CSMD1: variants seen among roughly 807,000 people sequenced by gnomAD.
The protein encoded by CSMD1 is CUB and Sushi multiple domains 1.
A neutral mutation model predicts 417.5 loss-of-function variants in CSMD1; 213 were observed. The ratio of observed to expected loss-of-function variants is 0.51; its 90% CI spans 0.46 to 0.57. The LOEUF (loss-of-function observed/expected upper bound fraction) is 0.57. CSMD1 is among the 20% of genes least tolerant of loss of function. CSMD1 has a pLI of 0.00. For missense variants in CSMD1, 6,923 were observed against 4,529.7 expected, an observed-to-expected ratio of 1.53 and a Z score of -15.17; for synonymous variants, 2,862 against 1,736.8, an observed-to-expected ratio of 1.65 and a Z score of -16.11.
At chr8:3,206,464 G>C (rs1797278202) in intron 30 of CSMD1, among the ~76,000 whole-genome samples, 1 of 74,204 alleles carries the variant, frequency 1.3e-5, no homozygotes, top group African/African-American at 5.2e-5. Context: ...TGTGTGTGGG[G>C]GGGTTATGTC....
At chr8:3,060,237 C>T (rs1355566030) in intron 49 of CSMD1, among the ~76,000 whole-genome samples, 1 of 151,586 alleles carries the variant, frequency 6.6e-6, no homozygotes, top group East Asian at 1.9e-4. Flanking sequence ...CCTCCACCTC[C>T]CGAGTTCAAG....
intron 1 of CSMD1, among the ~76,000 whole-genome samples, chr8:4,957,202 A>G: frequency 6.6e-6 from 1 of 152,218 alleles, no homozygotes. Flanking sequence ...ACCTAAAGCT[A>G]TAGCAAACTG....
At chr8:4,095,012 C>A (rs924609377) in intron 3 of CSMD1, among the ~76,000 whole-genome samples, 1 of 152,072 alleles carries the variant, frequency 6.6e-6, no homozygotes. Context: ...AATGGAGAGA[C>A]CATGGCAACA....
intron 46 of CSMD1, among the ~76,000 whole-genome samples, chr8:3,098,669 T>C (rs1006141403): frequency 1.3e-5 from 2 of 152,154 alleles, no homozygotes; most frequent in African/African-American, 2.4e-5. Flanking sequence ...AAATACACGA[T>C]GCCCATTCAA....
At chr8:3,930,324 T>C (rs1321191420) in intron 5 of CSMD1, among the ~76,000 whole-genome samples, 1 of 150,666 alleles carries the variant, frequency 6.6e-6, no homozygotes, top group East Asian at 1.9e-4. Context: ...GCTAACACTC[T>C]TAAATATCTG....
chr8:4,332,944 T>TAAAAAA (rs35103998), intron 3 of CSMD1, among the ~76,000 whole-genome samples: 31 of 143,674 alleles, frequency 2.2e-4, no homozygotes, highest in Non-Finnish European at 3.2e-4. Context: ...TATAAAAATC[T>TAAAAAA]AAAAAAAAAA....
intron 1 of CSMD1, among the ~76,000 whole-genome samples, chr8:4,736,361 T>C (rs183810689): frequency 5.3e-5 from 8 of 152,212 alleles, no homozygotes; most frequent in African/African-American, 1.4e-4. Flanking sequence ...ATCACAATGG[T>C]TGGAGGTGCC....
At chr8:3,075,811 G>A (rs990863110) in intron 49 of CSMD1, among the ~76,000 whole-genome samples, 2 of 151,582 alleles carry the variant, frequency 1.3e-5, no homozygotes, top group Non-Finnish European at 2.9e-5. Flanking sequence ...GGAGGCCAAG[G>A]CGGGTGGATC....
rs79537191 is a variant in CSMD1, at chr8:3,993,077, T to A, written c.818+4826A>T. 0.011 allele frequency among the ~76,000 whole-genome samples: 1,746 copies of A among 152,280 alleles called. 57 individuals carry two copies. The East Asian group carries it at 0.13, about 11-fold the overall frequency. ...ACATCAGTAGAAAAGGCAGAGGAAA[T>A]CAAACAGAGTCTGAAAATGAGTTAG... On this transcript the variant is annotated intron_variant, in intron 5 of 69. Coordinates refer to ENST00000635120, the MANE Select transcript of CSMD1 (RefSeq NM_033225.6).
intron 2 of CSMD1, among the ~76,000 whole-genome samples, chr8:4,590,698 C>T (rs996159300): frequency 6.6e-6 from 1 of 152,112 alleles, no homozygotes; most frequent in Admixed American, 6.6e-5. Context: ...ATGAGAAGCA[C>T]TGAATAGATA....
chr8:4,793,465 C>T (rs1203957270), intron 1 of CSMD1, among the ~76,000 whole-genome samples: 3 of 152,054 alleles, frequency 2.0e-5, no homozygotes, highest in African/African-American at 4.8e-5. Context: ...TCCATCCCCT[C>T]TCTCCTCCCC....
At chr8:4,227,448 G>T (rs1700055) in intron 3 of CSMD1, among the ~76,000 whole-genome samples, 80,277 of 151,896 alleles carry the variant, frequency 0.53, 22,261 homozygotes, top group Non-Finnish European at 0.62. Context: ...CCTAGTGTAT[G>T]ACATTCAGAA....
In CSMD1 at chr8:4,413,152, G is replaced by C. The variant is rs534459416; in HGVS notation, c.415+6801C>G. Among the ~76,000 whole-genome samples, 58 of 152,244 alleles carry C rather than the reference G, an allele frequency of 3.8e-4. No individual in the cohort carries two copies. In the South Asian group the frequency reaches 9.5e-3, roughly 25 times the overall value. ...ATAGAATATGGACAGTCTCACAGTGGACCAGAATAATCAGAGTTAACACCT... is the reference window on the plus strand; with the variant it reads ...ATAGAATATGGACAGTCTCACAGTGCACCAGAATAATCAGAGTTAACACCT... On this transcript the variant is annotated intron_variant, in intron 3 of 69. Transcript: ENST00000635120.
intron 3 of CSMD1, among the ~76,000 whole-genome samples, chr8:4,354,150 T>G (rs979287408): frequency 1.3e-5 from 2 of 152,288 alleles, no homozygotes; most frequent in East Asian, 3.9e-4. Flanking sequence ...AAAATTTAAA[T>G]GTAAAAATTA....
intron 3 of CSMD1, among the ~76,000 whole-genome samples, chr8:4,412,851 G>C (rs922552617): frequency 6.6e-6 from 1 of 152,124 alleles, no homozygotes; most frequent in Non-Finnish European, 1.5e-5. Flanking sequence ...ATGGAAGAAT[G>C]CCTGCTCAAA....
chr8:4,906,867 T>G (rs906917938), intron 1 of CSMD1, among the ~76,000 whole-genome samples: 1 of 152,208 alleles, frequency 6.6e-6, no homozygotes, highest in Non-Finnish European at 1.5e-5. Context: ...CTTGAGTTTC[T>G]TTTTTCAAAG....
At chr8:4,540,421 G>A (rs1797321670) in intron 2 of CSMD1, among the ~76,000 whole-genome samples, 1 of 152,110 alleles carries the variant, frequency 6.6e-6, no homozygotes, top group African/African-American at 2.4e-5. Context: ...CAAAACCTCA[G>A]GCCGGGTGCA....
intron 3 of CSMD1, among the ~76,000 whole-genome samples, chr8:4,137,006 A>G (rs1469748728): frequency 6.6e-6 from 1 of 152,216 alleles, no homozygotes; most frequent in East Asian, 1.9e-4. Flanking sequence ...TGAGAAACCA[A>G]GCAGCTGTGT....
At chr8:4,139,171 T>G (rs558235287) in intron 3 of CSMD1, among the ~76,000 whole-genome samples, 1 of 152,182 alleles carries the variant, frequency 6.6e-6, no homozygotes. Flanking sequence ...TGAAACCCTT[T>G]ACTTAAACTG....
Sources: allele counts gnomAD v4.1 joint callset (sites outside exome capture counted in the v4.1 genomes callset), GRCh38; gene constraint gnomAD v4.1.1; transcripts MANE v1.5; gene names NCBI Gene and HGNC (gene_info 2026-07-23, HGNC 2026-07-21).